Variants in CCNY observed in about 807,000 individuals in gnomAD.
CCNY encodes cyclin Y, also known as cyclin-Y.
A neutral mutation model predicts 42.8 loss-of-function variants in CCNY; 19 were observed. The ratio of observed to expected loss-of-function variants is 0.44; its 90% confidence interval spans 0.31 to 0.65. The LOEUF is 0.65. Among genes scored for constraint, CCNY ranks in the 30% least tolerant of loss-of-function variants. CCNY has a pLI of 0.07. For missense variants in CCNY, 370 were observed against 437.3 expected (o/e 0.85, Z 1.37); for synonymous variants, 165 against 162.7 (o/e 1.01, Z -0.11).
At chr10:35,450,831 T>C (rs1838900711) in intron 1 of CCNY, among the ~76,000 whole-genome samples, 1 of 152,186 alleles carries the variant, frequency 6.6e-6, no homozygotes, top group Non-Finnish European at 1.5e-5. Flanking sequence ...TTTTGGAGAA[T>C]GACAGTGATG....
At chr10:35,328,382 G>A (rs1835903416) in intron 3 of CCNY, among the ~76,000 whole-genome samples, 1 of 152,238 alleles carries the variant, frequency 6.6e-6, no homozygotes, top group Non-Finnish European at 1.5e-5. Flanking sequence ...AGGCAGAAGA[G>A]TGGGATTTAC....
chr10:35,414,985 C>T (rs183958569), intron 1 of CCNY, among the ~76,000 whole-genome samples: 2 of 152,320 alleles, frequency 1.3e-5, no homozygotes, highest in African/African-American at 4.8e-5. Context: ...GACAAGGACC[C>T]AGGATGAAGT....
intron 1 of CCNY, among the ~76,000 whole-genome samples, chr10:35,401,257 G>C (rs1837637879): frequency 6.6e-6 from 1 of 152,232 alleles, no homozygotes; most frequent in South Asian, 2.1e-4. Flanking sequence ...TGAGTGCAGA[G>C]GACTGCGTAG....
chr10:35,453,944 T>A (rs1218004556), intron 1 of CCNY, among the ~76,000 whole-genome samples: 1 of 152,236 alleles, frequency 6.6e-6, no homozygotes, highest in Non-Finnish European at 1.5e-5. Flanking sequence ...TTCTGAACTT[T>A]CTGTTTCATT....
At chr10:35,469,513 A>C (rs1341512897) in intron 1 of CCNY, among the ~76,000 whole-genome samples, 4 of 152,106 alleles carry the variant, frequency 2.6e-5, no homozygotes, top group African/African-American at 7.2e-5. Flanking sequence ...GAGAAGAGAG[A>C]CTGAGAGATG....
chr10:35,396,441 T>C (rs1046103459), intron 1 of CCNY, among the ~76,000 whole-genome samples: 4 of 152,220 alleles, frequency 2.6e-5, no homozygotes, highest in African/African-American at 9.6e-5. Flanking sequence ...CCTGAGTATC[T>C]GCAGGTTGGA....
chr10:35,301,547 C>T (rs1835533557), intron 3 of CCNY, among the ~76,000 whole-genome samples: 1 of 152,190 alleles, frequency 6.6e-6, no homozygotes, highest in Non-Finnish European at 1.5e-5. Flanking sequence ...CTCTTACTCC[C>T]TGAACACATG....
chr10:35,488,992 G>A (rs988312095), intron 2 of CCNY, among the ~76,000 whole-genome samples: 4 of 152,064 alleles, frequency 2.6e-5, no homozygotes, highest in African/African-American at 9.7e-5. Flanking sequence ...ATAAAAATAT[G>A]ACCTAGGCCG....
chr10:35,421,414 A>G (rs2135263654), intron 1 of CCNY, among the ~76,000 whole-genome samples: 1 of 152,252 alleles, frequency 6.6e-6, no homozygotes, highest in East Asian at 1.9e-4. Flanking sequence ...ACGCGGGTTC[A>G]CTGGATCAGT....
chr10:35,552,135 G>A (rs2135450095), intron 7 of CCNY, among the ~76,000 whole-genome samples: 1 of 152,342 alleles, frequency 6.6e-6, no homozygotes, highest in African/African-American at 2.4e-5. Context: ...TTCATTGACA[G>A]AAGAATGGAT....
intron 1 of CCNY, among the ~76,000 whole-genome samples, chr10:35,392,884 T>A (rs1008536177): frequency 1.3e-5 from 2 of 152,212 alleles, no homozygotes. Context: ...CTTCGAGTCC[T>A]CTTTTTGACT....
intron 2 of CCNY, among the ~76,000 whole-genome samples, chr10:35,249,079 C>T (rs2095710108): frequency 6.6e-6 from 1 of 152,072 alleles, no homozygotes. Flanking sequence ...CCAACAGGTG[C>T]ATGCCACCAC....
At chr10:35,462,648 G>A (rs1468165999) in intron 1 of CCNY, among the ~76,000 whole-genome samples, 1 of 152,230 alleles carries the variant, frequency 6.6e-6, no homozygotes, top group African/African-American at 2.4e-5. Flanking sequence ...GCTGCTCTCT[G>A]TGACAGCTTC....
intron 9 of CCNY, among the ~76,000 whole-genome samples, chr10:35,568,529 A>G (rs1256432831): frequency 1.3e-5 from 2 of 152,048 alleles, no homozygotes; most frequent in African/African-American, 2.4e-5. Context: ...TCTTTCGGCA[A>G]CCCTCTAGAG....
chr10:35,445,223 T>C (rs1283843246), intron 1 of CCNY, among the ~76,000 whole-genome samples: 2 of 152,174 alleles, frequency 1.3e-5, no homozygotes, highest in African/African-American at 2.4e-5. Flanking sequence ...AGTTTACCCA[T>C]GAAGGAGAGC....
At chr10:35,522,997 G>A (rs371972441) in intron 4 of CCNY, among the ~76,000 whole-genome samples, 32 of 152,090 alleles carry the variant, frequency 2.1e-4, no homozygotes, top group Admixed American at 4.6e-4. Context: ...CTTGCAGGTC[G>A]CCTAAAACAT....
intron 1 of CCNY, among the ~76,000 whole-genome samples, chr10:35,426,164 T>G (rs1415038171): frequency 2.1e-5 from 3 of 141,622 alleles, no homozygotes; most frequent in Non-Finnish European, 4.6e-5. Flanking sequence ...CACACAGATG[T>G]GCGTGTGCTC....
At chr10:35,567,050 G>A (rs186194574) in intron 9 of CCNY, among the ~76,000 whole-genome samples, 5 of 152,196 alleles carry the variant, frequency 3.3e-5, no homozygotes, top group Admixed American at 3.3e-4. Context: ...TACCTTTACG[G>A]ACAGGTTTAA....
upstream of CCNY, among the ~76,000 whole-genome samples, chr10:35,334,811 T>C (rs916747050): frequency 6.6e-6 from 1 of 152,182 alleles, no homozygotes; most frequent in African/African-American, 2.4e-5. Context: ...TGTAGAGAAT[T>C]AAATGAAATG....
Sources: allele counts gnomAD v4.1 joint callset (sites outside exome capture counted in the v4.1 genomes callset), GRCh38; gene constraint gnomAD v4.1.1; transcripts MANE v1.5; gene names NCBI Gene and HGNC (gene_info 2026-07-23, HGNC 2026-07-21).